The following ZNF592 variants were observed in gnomAD, a reference collection of about 807,000 sequenced individuals.
ZNF592 encodes zinc finger protein 592.
In ZNF592, 11 loss-of-function variants were observed where a neutral mutation model predicts 80.3. That is an observed-to-expected ratio of 0.14 (90% CI 0.09 to 0.23). The LOEUF (loss-of-function observed/expected upper bound fraction) is 0.23, where lower values mean the gene tolerates loss of function less well. Ranked by LOEUF, ZNF592 falls within the 10% of genes least tolerant of loss-of-function variation. The pLI is 1.00. For missense variants in ZNF592, 1,420 were observed against 1,633.9 expected, an observed-to-expected ratio of 0.87 and a Z score of 2.26; for synonymous variants, 646 against 640.3, an observed-to-expected ratio of 1.01 and a Z score of -0.13.
chr15:84,789,402 A>C (rs75274999), intron 4 of ZNF592, among the ~76,000 whole-genome samples: 6,182 of 152,314 alleles, frequency 0.041, 177 homozygotes, highest in Non-Finnish European at 0.062. Flanking sequence ...TAAGCATAAA[A>C]GTGTATCTCT....
chr15:84,765,261 T>C (rs1180924365), intron 2 of ZNF592, among the ~76,000 whole-genome samples: 4 of 152,204 alleles, frequency 2.6e-5, no homozygotes, highest in South Asian at 2.1e-4. Flanking sequence ...TGTTTATCCT[T>C]TCATCTGTTG....
chr15:84,782,843 C>T lies in ZNF592; in HGVS notation c.168C>T (p.His56=), dbSNP rs1450364191. The T allele has an allele frequency of 1.9e-6, 3 of 1,614,148 alleles. No homozygotes were observed. The highest frequency in any genetic ancestry group is 1.3e-5 in the African/African-American group (1 of 75,022). The change falls in exon 4 of 11, where the codon CAC becomes CAT. Residue 56 remains histidine, a synonymous_variant. Coordinates refer to ENST00000560079, the MANE Select transcript of ZNF592 (RefSeq NM_014630.3). The part of the protein sequence containing the change: ...ICMDESVSLS[H]SGSAPDVPAV... ...TGGATGAAAGTGTGTCCTTGTCTCA[C>T]TCAGGATCAGCCCCCGATGTGCCGG...
rs1294708053 is a variant in ZNF592 at position 84,782,867 on chromosome 15, G to A, written c.192G>A (p.Pro64=). The change falls in exon 4 of 11, where the codon CCG becomes CCA. Residue 64 remains proline (P), a synonymous_variant. Transcript: ENST00000560079. The part of the protein sequence containing the change: ...LSHSGSAPDV[P]AVSVIVKNTS... ...ACTCAGGATCAGCCCCCGATGTGCC[G>A]GCCGTGAGTGTCATTGTCAAGAACA... 8.1e-6 allele frequency: 13 copies of A among 1,613,986 alleles called. No homozygotes were observed. The East Asian group carries it at 1.3e-4, about 17-fold the overall frequency.
intron 1 of ZNF592, among the ~76,000 whole-genome samples, chr15:84,760,459 G>A (rs2141963752): frequency 6.6e-6 from 1 of 152,296 alleles, no homozygotes; most frequent in South Asian, 2.1e-4. Flanking sequence ...TTATGAATCT[G>A]TCTCTGTATG....
chr15:84,748,863 A>G (rs986393401), intron 1 of ZNF592, among the ~76,000 whole-genome samples, 199 bp downstream of exon 1: 1 of 143,602 alleles, frequency 7.0e-6, no homozygotes, highest in African/African-American at 2.5e-5. Context: ...CCGCCACCCC[A>G]CCCCGCCCCC....
At chr15:84,782,627 C>G in intron 3 of ZNF592, 30 bp from the exon 4 acceptor site, 1 of 1,606,596 alleles carries the variant, frequency 6.2e-7, no homozygotes, top group South Asian at 1.1e-5. Context: ...CCCTGGTGGT[C>G]ACTGATTCTG....
intron 5 of ZNF592, among the ~76,000 whole-genome samples, chr15:84,796,436 G>A (rs1030051162): frequency 6.6e-6 from 1 of 151,444 alleles, no homozygotes. Flanking sequence ...ACAAAAGGAA[G>A]ATAAAAAGGA....
intron 1 of ZNF592, among the ~76,000 whole-genome samples, chr15:84,761,032 T>A (rs539883171): frequency 6.6e-6 from 1 of 152,264 alleles, no homozygotes; most frequent in African/African-American, 2.4e-5. Flanking sequence ...GGCACAATCT[T>A]GGCTCACTGC....
intron 4 of ZNF592, among the ~76,000 whole-genome samples, chr15:84,789,307 C>T (rs765039336): frequency 6.6e-6 from 1 of 151,368 alleles, no homozygotes; most frequent in Non-Finnish European, 1.5e-5. Flanking sequence ...GTGTACATAC[C>T]ACATTTTATT....
chr15:84,783,527 T>C lies in ZNF592; in HGVS notation c.852T>C (p.Cys284=). 1.9e-6 allele frequency: 3 copies of C among 1,614,230 alleles called. No homozygotes were observed. Among genetic ancestry groups the C allele is most frequent in the Non-Finnish European group, 2.5e-6 (3 of 1,180,038 alleles). ...LKPAHSKLSS[C]VAALVALQAK... ...CAGCTCATTCCAAGCTGTCCTCTTG[T>C]GTGGCAGCCTTGGTGGCCTTGCAGG... Residue 284 remains cysteine (C), a synonymous_variant, in exon 4 of 11, where the codon TGT becomes TGC. Transcript: ENST00000560079. This position sits in a 1 kb window ranked among gnomAD's most constrained non-coding sequence, Gnocchi z 5.0.
intron 5 of ZNF592, among the ~76,000 whole-genome samples, chr15:84,793,718 C>T (rs56194751): frequency 0.046 from 7,032 of 152,254 alleles, 206 homozygotes; most frequent in Non-Finnish European, 0.055. Flanking sequence ...CCTAGGCAAT[C>T]GCTAATTTAC....
rs189829523 is a variant in ZNF592 at position 84,780,822 on chromosome 15, C to T, written c.-19-1835C>T. The stretch of plus-strand genomic sequence containing the variant: ...ATTTTTCCTTTAAAAATTATAAAAG[C>T]AATCTATCAGCCCCCTAAAAAAGTT... On this transcript the variant is annotated intron_variant, in intron 3 of 10. Transcript: ENST00000560079. Among the ~76,000 whole-genome samples the T allele has an allele frequency of 7.9e-5, 12 of 152,002 alleles. No homozygotes were observed. The South Asian group carries it at 2.5e-3, about 32-fold the overall frequency.
At chr15:84,749,122 C>A (rs1043068820) in intron 1 of ZNF592, among the ~76,000 whole-genome samples, 1 of 152,220 alleles carries the variant, frequency 6.6e-6, no homozygotes, top group Non-Finnish European at 1.5e-5. Flanking sequence ...GGGGAACGAC[C>A]CTCTTTGGCG....
At chr15:84,761,902 G>C (rs983282396) in intron 1 of ZNF592, among the ~76,000 whole-genome samples, 2 of 152,174 alleles carry the variant, frequency 1.3e-5, no homozygotes, top group Non-Finnish European at 2.9e-5. Context: ...CATTGGATTG[G>C]ATTAATTGTC....
chr15:84,748,910 G>T (rs1311628274), intron 1 of ZNF592, among the ~76,000 whole-genome samples: 1 of 150,510 alleles, frequency 6.6e-6, no homozygotes, highest in Admixed American at 6.6e-5. Context: ...CGCTGCGACC[G>T]CCGCTGCGAC....
intron 3 of ZNF592, among the ~76,000 whole-genome samples, chr15:84,779,130 T>G (rs1962350631): frequency 1.3e-5 from 2 of 152,216 alleles, no homozygotes. Flanking sequence ...CTATAAGGGC[T>G]TTTTATGTTT....
intron 1 of ZNF592, among the ~76,000 whole-genome samples, chr15:84,749,516 A>G (rs1269238206): frequency 2.6e-5 from 4 of 152,240 alleles, no homozygotes; most frequent in Admixed American, 2.6e-4. Flanking sequence ...CTGGATTGGA[A>G]TAAGTCCACA....
intron 10 of ZNF592, among the ~76,000 whole-genome samples, chr15:84,800,305 G>A (rs186719140): frequency 6.4e-4 from 97 of 152,248 alleles, no homozygotes; most frequent in Non-Finnish European, 1.1e-3. Flanking sequence ...GTCCTGAGGC[G>A]GGAGCACACA....
intron 5 of ZNF592, among the ~76,000 whole-genome samples, chr15:84,793,518 G>C (rs1962809215): frequency 6.6e-6 from 1 of 152,228 alleles, no homozygotes; most frequent in Non-Finnish European, 1.5e-5. Context: ...CAAATGAATT[G>C]TGACTCAGCG....
Sources: allele counts gnomAD v4.1 joint callset (sites outside exome capture counted in the v4.1 genomes callset), GRCh38; gene constraint gnomAD v4.1.1; non-coding constraint Gnocchi (gnomAD v3.1); transcripts MANE v1.5; gene names NCBI Gene and HGNC (gene_info 2026-07-23, HGNC 2026-07-21).